The following PPFIA2 variants were observed in gnomAD, a reference collection of about 807,000 sequenced individuals.
The protein encoded by PPFIA2 is liprin-alpha-2.
PPFIA2 carries 46 observed loss-of-function variants against 175.5 expected under a neutral mutation model. The ratio of observed to expected loss-of-function variants is 0.26; its 90% CI spans 0.21 to 0.34. The LOEUF is 0.34. Ranked by LOEUF, PPFIA2 falls within the 10% of genes least tolerant of loss-of-function variation. The pLI is 1.00. For synonymous variants in PPFIA2, 568 were observed against 511.4 expected (o/e 1.11, Z -1.49); for missense variants, 1,179 against 1,506.1 (o/e 0.78, Z 3.60).
chr12:81,285,854 T>C (rs2043205540), intron 24 of PPFIA2, among the ~76,000 whole-genome samples: 2 of 152,080 alleles, frequency 1.3e-5, no homozygotes, highest in Non-Finnish European at 1.5e-5. Flanking sequence ...TCTACTTTTG[T>C]TTTTTAAAGA....
chr12:81,710,573 A>G (rs866186419), intron 3 of PPFIA2, among the ~76,000 whole-genome samples: 3 of 152,090 alleles, frequency 2.0e-5, no homozygotes, highest in Non-Finnish European at 2.9e-5. Flanking sequence ...GAAGTGTTTC[A>G]GATTGAGTAT....
intron 4 of PPFIA2, among the ~76,000 whole-genome samples, chr12:81,657,049 T>G (rs985734179): frequency 6.6e-6 from 1 of 152,142 alleles, no homozygotes; most frequent in Non-Finnish European, 1.5e-5. Flanking sequence ...GTGAAAAAAA[T>G]GCATAAATTT....
chr12:81,608,259 C>A (rs1004687604), intron 4 of PPFIA2, among the ~76,000 whole-genome samples: 50 of 151,838 alleles, frequency 3.3e-4, no homozygotes, highest in African/African-American at 1.1e-3. Flanking sequence ...AGTTTTATTT[C>A]TTTGTTGTGT....
At chr12:81,653,465 A>G (rs756528101) in intron 4 of PPFIA2, among the ~76,000 whole-genome samples, 6 of 152,032 alleles carry the variant, frequency 3.9e-5, no homozygotes, top group Non-Finnish European at 8.8e-5. Context: ...AAAGCTCCAA[A>G]AGAGGATCTC....
chr12:81,566,548 A>AG (rs2071352256), intron 4 of PPFIA2, among the ~76,000 whole-genome samples: 2 of 150,964 alleles, frequency 1.3e-5, no homozygotes, highest in Non-Finnish European at 3.0e-5. Context: ...AAAAAAAAAA[A>AG]AAAAGAAAAG....
At chr12:81,462,608 A>ATATATATATAT (rs1566933988) in intron 4 of PPFIA2, among the ~76,000 whole-genome samples, 3 of 134,886 alleles carry the variant, frequency 2.2e-5, no homozygotes, top group Admixed American at 7.5e-5. Context: ...ATATATATAT[A>ATATATATATAT]ATATAGCGAT....
chr12:81,729,056 A>G (rs1443156056), intron 3 of PPFIA2, among the ~76,000 whole-genome samples: 1 of 151,542 alleles, frequency 6.6e-6, no homozygotes, highest in Admixed American at 6.6e-5. Context: ...CGAAATATCA[A>G]AATTGTTTTG....
At chr12:81,565,046 C>T (rs2153401042) in intron 4 of PPFIA2, among the ~76,000 whole-genome samples, 1 of 152,282 alleles carries the variant, frequency 6.6e-6, no homozygotes, top group South Asian at 2.1e-4. Flanking sequence ...TGGGAGGACC[C>T]TGATAAAGCT....
Position 81,699,101 on chromosome 12 carries a change from T to G in PPFIA2, c.250-22257A>C, listed in dbSNP as rs536091968. Among the ~76,000 whole-genome samples, 36 of 152,094 alleles carry G rather than the reference T, an allele frequency of 2.4e-4. 1 individual carries two copies. The South Asian group carries it at 7.0e-3, about 30-fold the overall frequency. On this transcript the variant is annotated intron_variant, in intron 3 of 32. Coordinates refer to ENST00000549396, the MANE Select transcript of PPFIA2 (RefSeq NM_003625.5). ...TAAAACCACAGAAAAATTTTAGAAA[T>G]AAAACATTATAGGATTAAAGAAATT...
chr12:81,338,823 C>T (rs1014138286), intron 21 of PPFIA2, among the ~76,000 whole-genome samples: 1 of 152,034 alleles, frequency 6.6e-6, no homozygotes, highest in Non-Finnish European at 1.5e-5. Flanking sequence ...CGATGAATAT[C>T]ACAGTTATGC....
At chr12:81,614,862 A>G (rs904048660) in intron 4 of PPFIA2, among the ~76,000 whole-genome samples, 1 of 152,140 alleles carries the variant, frequency 6.6e-6, no homozygotes, top group Non-Finnish European at 1.5e-5. Context: ...TTATTCCTCA[A>G]TTATGCATAA....
intron 4 of PPFIA2, among the ~76,000 whole-genome samples, chr12:81,660,214 T>A (rs1201320371): frequency 6.6e-6 from 1 of 152,010 alleles, no homozygotes; most frequent in South Asian, 2.1e-4. Flanking sequence ...CTTTGACGAG[T>A]TGAGAGAAGA....
At chr12:81,461,130 A>G (rs2054468438) in intron 4 of PPFIA2, among the ~76,000 whole-genome samples, 1 of 152,126 alleles carries the variant, frequency 6.6e-6, no homozygotes, top group Non-Finnish European at 1.5e-5. Flanking sequence ...TTCATAACTA[A>G]TTAGCTTTAT....
At chr12:81,565,849 T>C (rs544661273) in intron 4 of PPFIA2, among the ~76,000 whole-genome samples, 27 of 152,288 alleles carry the variant, frequency 1.8e-4, no homozygotes, top group African/African-American at 6.5e-4. Context: ...ATGCCACAAA[T>C]ATTTTCTTTA....
At chr12:81,589,154 G>C (rs769829564) in intron 4 of PPFIA2, among the ~76,000 whole-genome samples, 146 of 152,044 alleles carry the variant, frequency 9.6e-4, no homozygotes, top group South Asian at 1.0e-3. Flanking sequence ...CTTGATGTCT[G>C]TGAATTAACA....
At chr12:81,669,264 C>T (rs775532162) in intron 4 of PPFIA2, among the ~76,000 whole-genome samples, 50 of 151,902 alleles carry the variant, frequency 3.3e-4, no homozygotes, top group African/African-American at 9.7e-5. Context: ...CTGAAGTTCA[C>T]CTTTGTAATT....
At chr12:81,489,069 T>C (rs2059153064) in intron 4 of PPFIA2, among the ~76,000 whole-genome samples, 2 of 151,842 alleles carry the variant, frequency 1.3e-5, no homozygotes, top group African/African-American at 4.8e-5. Flanking sequence ...TACCATATTC[T>C]CAATATGTGC....
intron 3 of PPFIA2, among the ~76,000 whole-genome samples, chr12:81,684,299 T>C (rs2074119151): frequency 6.6e-6 from 1 of 152,074 alleles, no homozygotes; most frequent in African/African-American, 2.4e-5. Flanking sequence ...GAGGTATGGA[T>C]AGTTTACAGG....
intron 28 of PPFIA2, 38 bp downstream of exon 28, chr12:81,277,279 A>G: frequency 6.7e-7 from 1 of 1,500,962 alleles, no homozygotes; most frequent in Non-Finnish European, 8.9e-7. Context: ...TAAAAACCCC[A>G]GAATAAAGGC....
Sources: gnomAD v4.1 joint callset for allele counts (sites outside exome capture counted in the v4.1 genomes callset) on GRCh38, gnomAD v4.1.1 for gene constraint, MANE v1.5 for transcripts, NCBI Gene and HGNC (gene_info 2026-07-23, HGNC 2026-07-21) for gene names.